SAMD4A: variants seen among roughly 807,000 people sequenced by gnomAD.
The protein encoded by SAMD4A is protein Smaug homolog 1.
A neutral mutation model predicts 81.3 loss-of-function variants in SAMD4A; 33 were observed. That is an observed-to-expected ratio of 0.41 (90% CI 0.31 to 0.54). The LOEUF is 0.54. Among genes scored for constraint, SAMD4A ranks in the 20% least tolerant of loss-of-function variants. The pLI is 0.37. For missense variants in SAMD4A, 854 were observed against 951.1 expected (o/e 0.90, Z 1.34); for synonymous variants, 389 against 382.1 (o/e 1.02, Z -0.21).
At chr14:54,576,308 T>C (rs2033295688) in intron 2 of SAMD4A, among the ~76,000 whole-genome samples, 1 of 152,208 alleles carries the variant, frequency 6.6e-6, no homozygotes, top group South Asian at 2.1e-4. Flanking sequence ...TTAAAATGCA[T>C]GAGTAAAATG....
intron 2 of SAMD4A, among the ~76,000 whole-genome samples, chr14:54,678,723 C>T (rs902515096): frequency 4.6e-5 from 7 of 151,798 alleles, no homozygotes; most frequent in Non-Finnish European, 5.9e-5. Context: ...TAATTTTTTG[C>T]ATTTTTAGTA....
intron 2 of SAMD4A, among the ~76,000 whole-genome samples, chr14:54,610,913 A>T (rs1304276192): frequency 6.6e-6 from 1 of 152,220 alleles, no homozygotes; most frequent in Non-Finnish European, 1.5e-5. Context: ...AATTAAAATA[A>T]AAAGCTGTTA....
chr14:54,776,669 C>T, intron 11 of SAMD4A, 129 bp downstream of exon 11: 1 of 1,160,748 alleles, frequency 8.6e-7, no homozygotes, highest in South Asian at 2.3e-5. Flanking sequence ...AGAAGCCTTT[C>T]CTTTTTTAAA....
intron 11 of SAMD4A, among the ~76,000 whole-genome samples, chr14:54,782,174 T>TG (rs1378863528): frequency 5.3e-5 from 8 of 152,236 alleles, no homozygotes; most frequent in Admixed American, 3.3e-4. Flanking sequence ...GGCATTTTGC[T>TG]GCGTGTTGGC....
At chr14:54,716,232 A>C (rs2037114370) in intron 3 of SAMD4A, among the ~76,000 whole-genome samples, 1 of 152,210 alleles carries the variant, frequency 6.6e-6, no homozygotes, top group African/African-American at 2.4e-5. Context: ...GTTAAAAAAC[A>C]AACAACTTTT....
intron 6 of SAMD4A, among the ~76,000 whole-genome samples, chr14:54,759,031 G>A: frequency 6.6e-6 from 1 of 152,148 alleles, no homozygotes; most frequent in Non-Finnish European, 1.5e-5. Context: ...TGAGCATCTG[G>A]CATAGAGAAA....
chr14:54,787,450 A>G (rs1211762783), intron 12 of SAMD4A, among the ~76,000 whole-genome samples: 1 of 152,054 alleles, frequency 6.6e-6, no homozygotes, highest in Non-Finnish European at 1.5e-5. Context: ...CCAGGAACCA[A>G]CCCCCTGTGG....
chr14:54,610,147 G>A (rs1304102253), intron 2 of SAMD4A, among the ~76,000 whole-genome samples: 1 of 151,928 alleles, frequency 6.6e-6, no homozygotes, highest in Non-Finnish European at 1.5e-5. Context: ...ATTCTGTTTT[G>A]AATACTTAAT....
At chr14:54,666,441 C>T (rs970179595) in intron 2 of SAMD4A, among the ~76,000 whole-genome samples, 4 of 152,086 alleles carry the variant, frequency 2.6e-5, no homozygotes, top group African/African-American at 9.7e-5. Context: ...CCTGCAGAAC[C>T]CACCTATAGG....
intron 3 of SAMD4A, among the ~76,000 whole-genome samples, chr14:54,732,621 A>G (rs1402060951): frequency 6.6e-6 from 1 of 152,204 alleles, no homozygotes; most frequent in South Asian, 2.1e-4. Context: ...GAAATACGCA[A>G]TGTATCTTTG....
chr14:54,752,173 AGCTGCCTACTGTCCCATTTTATTT>A (rs1566619438), intron 6 of SAMD4A, among the ~76,000 whole-genome samples: 1 of 152,258 alleles, frequency 6.6e-6, no homozygotes, highest in Non-Finnish European at 1.5e-5. Context: ...AGCAGTGATC[AGCTGCCTACTGTCCCATTTTATTT>A]GCTGCCTAGA....
rs145401911 is a variant in SAMD4A, at chr14:54,742,044, T to C, written c.979+4757T>C. Among the ~76,000 whole-genome samples, 248 of 152,220 alleles carry C rather than the reference T, an allele frequency of 1.6e-3. 1 individual carries two copies. The highest frequency in any genetic ancestry group is 5.8e-3 in the African/African-American group (239 of 41,520). On this transcript the variant is annotated intron_variant, in intron 4 of 12. Transcript: ENST00000554335. The stretch of plus-strand genomic sequence containing the variant: ...ATGACCTTCAAAGCAGAGTGGAATA[T>C]ACATCAAAGTGCGGAAGGGACAGAG...
At chr14:54,742,580 TC>T (rs1238442352) in intron 4 of SAMD4A, among the ~76,000 whole-genome samples, 1 of 152,172 alleles carries the variant, frequency 6.6e-6, no homozygotes, top group East Asian at 1.9e-4. Flanking sequence ...AGATTTGGGC[TC>T]CTAGGAAGCA....
At chr14:54,569,215 C>T (rs1171802256) in intron 2 of SAMD4A, among the ~76,000 whole-genome samples, 3 of 152,160 alleles carry the variant, frequency 2.0e-5, no homozygotes, top group Non-Finnish European at 4.4e-5. Context: ...CATTTGATGA[C>T]AAGGTCCAGT....
chr14:54,565,960 G>A (rs1324356524), upstream of SAMD4A, among the ~76,000 whole-genome samples: 1 of 151,440 alleles, frequency 6.6e-6, no homozygotes, highest in Admixed American at 6.6e-5. This position sits in a 1 kb window ranked among gnomAD's most constrained non-coding sequence, Gnocchi z 5.4. Context: ...GCCCTGCGCC[G>A]GGTCCGGGGT....
At chr14:54,746,307 A>G (rs1594890090) in intron 4 of SAMD4A, among the ~76,000 whole-genome samples, 1 of 152,186 alleles carries the variant, frequency 6.6e-6, no homozygotes, top group Non-Finnish European at 1.5e-5. Context: ...TGCTTGCTCT[A>G]AAAACAGTGT....
intron 2 of SAMD4A, among the ~76,000 whole-genome samples, chr14:54,660,141 A>G (rs2035608593): frequency 6.6e-6 from 1 of 151,806 alleles, no homozygotes; most frequent in African/African-American, 2.4e-5. Flanking sequence ...GGTTTGGTGT[A>G]TCTAATCTCC....
chr14:54,708,919 A>G (rs1320961436), intron 3 of SAMD4A, among the ~76,000 whole-genome samples: 3 of 152,196 alleles, frequency 2.0e-5, no homozygotes, highest in Admixed American at 6.5e-5. Flanking sequence ...TAGATTTTGG[A>G]TGTATGTTTA....
chr14:54,598,485 T>G (rs889594321), intron 2 of SAMD4A, among the ~76,000 whole-genome samples: 36 of 152,234 alleles, frequency 2.4e-4, no homozygotes, highest in Non-Finnish European at 4.9e-4. Context: ...TAGATATTAT[T>G]ATGATTAAAG....
Sources: gnomAD v4.1 joint callset for allele counts (sites outside exome capture counted in the v4.1 genomes callset) on GRCh38, gnomAD v4.1.1 for gene constraint, Gnocchi (gnomAD v3.1) non-coding constraint, MANE v1.5 for transcripts, NCBI Gene and HGNC (gene_info 2026-07-23, HGNC 2026-07-21) for gene names.